TUSC3: variants seen among roughly 807,000 people sequenced by gnomAD.
TUSC3 encodes tumor suppressor candidate 3.
TUSC3 carries 45 observed loss-of-function variants against 44.8 expected under a neutral mutation model. The observed-to-expected ratio is 1.00, with a 90% confidence interval of 0.79 to 1.29. TUSC3 has a LOEUF of 1.29. TUSC3 is among the 50% of genes most tolerant of loss of function. The pLI, the probability that TUSC3 is intolerant of heterozygous loss-of-function variation, is 0.00. For synonymous variants in TUSC3, 212 were observed against 152.9 expected (o/e 1.39, Z -2.85); for missense variants, 519 against 437.9 (o/e 1.19, Z -1.65).
chr8:15,670,277 G>C (rs1392014412), intron 5 of TUSC3, among the ~76,000 whole-genome samples: 2 of 151,560 alleles, frequency 1.3e-5, no homozygotes, highest in Non-Finnish European at 3.0e-5. Flanking sequence ...TATGAAGGAA[G>C]AATAATGCTG....
the TUSC3 span, among the ~76,000 whole-genome samples, chr8:15,838,760 C>G: frequency 1.3e-5 from 2 of 152,074 alleles, no homozygotes; most frequent in Non-Finnish European, 2.9e-5. Context: ...TTTACTGTAG[C>G]CTTGTAGTAT....
the TUSC3 span, among the ~76,000 whole-genome samples, chr8:15,836,094 G>A: frequency 6.6e-6 from 1 of 151,628 alleles, no homozygotes; most frequent in African/African-American, 2.4e-5. Context: ...CTTTCTGTTT[G>A]CATTTGCTTC....
Position 15,540,485 on chromosome 8 carries a change from T to C in TUSC3, c.55T>C (p.Tyr19His). ...RRRQAGRRLR[Y>H]LPTGSFPFLL... ...TAGGCAAGCGGGGCGGCGGCTGCGG[T>C]ACCTGCCCACCGGGAGCTTTCCCTT... is the stretch of plus-strand genomic sequence containing the variant. The change falls in exon 1 of 11, where the codon TAC becomes CAC. Residue 19 changes from tyrosine to histidine, a missense_variant. Tyr to His is a moderately conservative substitution (Grantham distance 83, BLOSUM62 2). Transcript: ENST00000503731. The C allele has an allele frequency of 6.2e-7, 1 of 1,608,182 alleles. No individual in the cohort carries two copies.
chr8:15,437,111 G>T (rs1006761358), intron 1 of TUSC3, among the ~76,000 whole-genome samples: 4 of 152,098 alleles, frequency 2.6e-5, no homozygotes, highest in African/African-American at 9.7e-5. Context: ...CTCTAAAACT[G>T]CAGAGACCTG....
In TUSC3 at chr8:15,764,524, C is replaced by T. The variant is rs769804211; in HGVS notation, c.*368C>T. Reference sequence around the variant, plus strand: ...AGCTGTTTACTCATTAGTAAAGGACCGCAATGTTAGTAAAGAAAACCTATG... The same window carrying T: ...AGCTGTTTACTCATTAGTAAAGGACTGCAATGTTAGTAAAGAAAACCTATG... On this transcript the variant is annotated 3_prime_UTR_variant, in exon 11 of 11. Transcript: ENST00000503731. 2.7e-5 allele frequency: 8 copies of T among 294,746 alleles called. No homozygotes were observed. The highest frequency in any genetic ancestry group is 7.5e-5 in the East Asian group (1 of 13,248). The allele number at this position is 294,746 out of a possible 1,614,324, so 18.3% of individuals were successfully genotyped here. A position where few individuals can be genotyped will look rare whatever the true frequency, so the allele number is the denominator to read the frequency against.
At chr8:15,516,719 G>A (rs1288896493) in intron 2 of TUSC3, among the ~76,000 whole-genome samples, 1 of 151,980 alleles carries the variant, frequency 6.6e-6, no homozygotes, top group African/African-American at 2.4e-5. Flanking sequence ...TTAATCCTAT[G>A]AAATATAAAA....
chr8:15,632,979 C>T (rs902378927), intron 2 of TUSC3, among the ~76,000 whole-genome samples: 4 of 152,046 alleles, frequency 2.6e-5, no homozygotes, highest in Admixed American at 6.6e-5. Flanking sequence ...GGTTCCTCTT[C>T]GTAGGAAATG....
At chr8:15,805,094 C>G in the TUSC3 span, among the ~76,000 whole-genome samples, 1 of 151,920 alleles carries the variant, frequency 6.6e-6, no homozygotes, top group Non-Finnish European at 1.5e-5. Context: ...TGTGTGGCAA[C>G]TGTAAATGAG....
intron 1 of TUSC3, among the ~76,000 whole-genome samples, chr8:15,427,987 C>T (rs937527641): frequency 2.0e-5 from 3 of 150,806 alleles, no homozygotes; most frequent in South Asian, 2.1e-4. Flanking sequence ...TATTATTATA[C>T]TTTTAAGTTT....
intron 5 of TUSC3, among the ~76,000 whole-genome samples, chr8:15,671,646 T>G (rs549598624): frequency 6.6e-6 from 1 of 152,178 alleles, no homozygotes; most frequent in South Asian, 2.1e-4. Context: ...TGTATTAAGA[T>G]GATTTTTTAA....
At chr8:15,575,199 G>A (rs1398133453) in intron 1 of TUSC3, among the ~76,000 whole-genome samples, 1 of 152,028 alleles carries the variant, frequency 6.6e-6, no homozygotes, top group African/African-American at 2.4e-5. Flanking sequence ...TTTATGTTTG[G>A]AATTAATAGG....
At chr8:15,786,871 G>A in the TUSC3 span, among the ~76,000 whole-genome samples, 2 of 149,792 alleles carry the variant, frequency 1.3e-5, no homozygotes, top group African/African-American at 4.9e-5. Context: ...GTGAACCCAG[G>A]AGGCAGAGGT....
rs560201384 is a variant in TUSC3, at chr8:15,480,220, T to C, written n.92-3166T>C. Among the ~76,000 whole-genome samples the C allele has an allele frequency of 4.6e-5, 7 of 152,286 alleles. 1 individual carries two copies. The highest frequency in any genetic ancestry group is 1.7e-4 in the African/African-American group (7 of 41,562). On this transcript the variant is annotated intron_variant and non_coding_transcript_variant, in intron 1 of 5. Coordinates refer to the TUSC3 transcript ENST00000503191. ...TAGAAAAACTTGCCATGCTCAAGGATAGGAAGAATCAACAACATAAAAATG... is the reference window on the plus strand; with the variant it reads ...TAGAAAAACTTGCCATGCTCAAGGACAGGAAGAATCAACAACATAAAAATG...
chr8:15,651,569 G>C (rs189132362), intron 3 of TUSC3, among the ~76,000 whole-genome samples: 175 of 152,328 alleles, frequency 1.1e-3, no homozygotes, highest in African/African-American at 4.0e-3. Flanking sequence ...TCGGGAGCAG[G>C]AGTGCATGTG....
chr8:15,648,713 A>G (rs544729257), intron 2 of TUSC3, among the ~76,000 whole-genome samples: 85 of 112,216 alleles, frequency 7.6e-4, no homozygotes, highest in Non-Finnish European at 1.2e-3. Flanking sequence ...GTGACAGAGC[A>G]AGACTCTGTG....
intron 5 of TUSC3, among the ~76,000 whole-genome samples, chr8:15,666,937 T>C (rs1807688098): frequency 6.6e-6 from 1 of 151,462 alleles, no homozygotes; most frequent in Non-Finnish European, 1.5e-5. Flanking sequence ...TAATTCTTAA[T>C]TTTCTGTAGT....
At chr8:15,503,106 G>A (rs549196862) in intron 2 of TUSC3, among the ~76,000 whole-genome samples, 10 of 152,002 alleles carry the variant, frequency 6.6e-5, no homozygotes, top group Admixed American at 1.3e-4. Flanking sequence ...CCAGAACCTC[G>A]GAATGTGAGT....
chr8:15,780,101 A>T, the TUSC3 span, among the ~76,000 whole-genome samples: 1 of 152,210 alleles, frequency 6.6e-6, no homozygotes, highest in African/African-American at 2.4e-5. Context: ...ACATGGTAAA[A>T]TAGGAGGCTC....
At chr8:15,482,623 A>T (rs1280417778) in intron 1 of TUSC3, among the ~76,000 whole-genome samples, 1 of 152,226 alleles carries the variant, frequency 6.6e-6, no homozygotes, top group Non-Finnish European at 1.5e-5. Flanking sequence ...TGCAAACACA[A>T]CATCCATTCT....
Sources: gnomAD v4.1 joint callset for allele counts (sites outside exome capture counted in the v4.1 genomes callset) on GRCh38, gnomAD v4.1.1 for gene constraint, MANE v1.5 for transcripts, NCBI Gene and HGNC (gene_info 2026-07-23, HGNC 2026-07-21) for gene names.